The following LARP1 variants were observed in gnomAD, a reference collection of about 807,000 sequenced individuals.
LARP1 encodes the protein la-related protein 1.
Under a neutral mutation model 122.7 loss-of-function variants are expected in LARP1, and 36 were observed. The ratio of observed to expected loss-of-function variants is 0.29; its 90% CI spans 0.22 to 0.39. The LOEUF is 0.39. Among genes scored for constraint, LARP1 ranks in the 10% least tolerant of loss-of-function variants. The probability of loss-of-function intolerance (pLI) is 1.00; values close to 1 mark genes in which losing one functional copy is unlikely to be tolerated. For synonymous variants in LARP1, 539 were observed against 528.7 expected, an observed-to-expected ratio of 1.02 and a Z score of -0.27; for missense variants, 1,040 against 1,403.6, an observed-to-expected ratio of 0.74 and a Z score of 4.14.
chr5:154,692,335 C>T (rs976721017), intron 1 of LARP1, among the ~76,000 whole-genome samples: 4 of 152,200 alleles, frequency 2.6e-5, no homozygotes, highest in Non-Finnish European at 4.4e-5. Flanking sequence ...TTGATTTCCA[C>T]ATCCTTAAAA....
intron 1 of LARP1, among the ~76,000 whole-genome samples, chr5:154,772,652 T>C (rs1755534162): frequency 1.3e-5 from 2 of 152,120 alleles, no homozygotes; most frequent in Admixed American, 6.5e-5. Context: ...GTAATAAAAG[T>C]TATGTGAATG....
At chr5:154,796,084 A>ATATATATATTTTATATATTTAT (rs1757796915) in intron 8 of LARP1, among the ~76,000 whole-genome samples, 2 of 100,536 alleles carry the variant, frequency 2.0e-5, no homozygotes, top group Admixed American at 2.6e-4. Flanking sequence ...TATATATATT[A>ATATATATATTTTATATATTTAT]TATATATATT....
intron 1 of LARP1, among the ~76,000 whole-genome samples, chr5:154,789,288 C>A (rs1298522636): frequency 7.1e-6 from 1 of 140,510 alleles, no homozygotes; most frequent in Non-Finnish European, 1.5e-5. Flanking sequence ...GACGTTATCT[C>A]GGCTCACTGC....
chr5:154,755,926 CGGCCGCCCTGCGCCA>C lies in LARP1; in HGVS notation c.170_184del (p.Arg57_Lys62delinsGln). The C allele has an allele frequency of 7.0e-6, 7 of 1,002,298 alleles. No homozygotes were observed. Among genetic ancestry groups the C allele is most frequent in the Non-Finnish European group, 7.1e-6 (6 of 840,786 alleles). The allele number at this position is 1,002,298 out of a possible 1,614,324, so 62.1% of individuals were successfully genotyped here. Reference sequence around the variant, plus strand: ...GCCGGACGGCAGCGCTCGGAGACCCCGGCCGCCCTGCGCCAAGCCGCACAAGGAGGGCACCGGGCA... The same window carrying C: ...GCCGGACGGCAGCGCTCGGAGACCCCAGCCGCACAAGGAGGGCACCGGGCA... On this transcript the variant is annotated inframe_deletion, in exon 1 of 19. Transcript: ENST00000518297.
At chr5:154,682,991 A>C (rs991940437) in exon 1 of LARP1, among the ~76,000 whole-genome samples, 1 of 152,018 alleles carries the variant, frequency 6.6e-6, no homozygotes, top group Non-Finnish European at 1.5e-5. Context: ...AGGCTGAGTC[A>C]TCGCTGCTGC....
rs892198995 is a variant in LARP1 at position 154,755,745 on chromosome 5, G to A, written c.-13G>A. On this transcript the variant is annotated 5_prime_UTR_variant, in exon 1 of 19. Coordinates refer to ENST00000518297, the MANE Select transcript of LARP1 (RefSeq NM_033551.3). The stretch of plus-strand genomic sequence containing the variant: ...CGGGCGCGCCCGGCTTCTCCGGGGG[G>A]GCGGGCGCGCAGATGGCCACTCAGG... The A allele has an allele frequency of 1.5e-5, 15 of 987,398 alleles. No homozygotes were observed. Among genetic ancestry groups the A allele is most frequent in the African/African-American group, 3.5e-5 (2 of 57,188 alleles). The allele number at this position is 987,398 out of a possible 1,614,324, so 61.2% of individuals were successfully genotyped here.
At chr5:154,785,105 A>G (rs1306493306) in intron 1 of LARP1, among the ~76,000 whole-genome samples, 1 of 152,208 alleles carries the variant, frequency 6.6e-6, no homozygotes, top group Non-Finnish European at 1.5e-5. Context: ...AAATTCCCCC[A>G]TCTGTCTTTC....
intron 1 of LARP1, among the ~76,000 whole-genome samples, chr5:154,769,972 G>A (rs772974031): frequency 1.4e-4 from 22 of 152,218 alleles, no homozygotes; most frequent in Admixed American, 6.5e-4. Flanking sequence ...GTATGAATGA[G>A]GGGAGAGAGA....
chr5:154,789,360 C>T (rs1001490992), intron 1 of LARP1, among the ~76,000 whole-genome samples: 3 of 150,772 alleles, frequency 2.0e-5, no homozygotes, highest in South Asian at 2.1e-4. Flanking sequence ...GCTGGGATTA[C>T]GGGCGCCCAC....
rs1759595873 is a variant in LARP1, at chr5:154,815,313, C to G, written c.*1217C>G. On this transcript the variant is annotated 3_prime_UTR_variant, in exon 19 of 19. Transcript: ENST00000518297. ...CTGTTGCCTCACGCCAGGCCCCGTC[C>G]TGCCGTGACACCCTTCATCCTACCC... 1 of 152,512 alleles carries G rather than the reference C, an allele frequency of 6.6e-6. No individual in the cohort carries two copies. Among genetic ancestry groups the G allele is most frequent in the Non-Finnish European group, 1.5e-5 (1 of 68,078 alleles). The allele number at this position is 152,512 out of a possible 1,614,324, so 9.4% of individuals were successfully genotyped here.
chr5:154,708,339 T>C (rs1324679245), upstream of LARP1, among the ~76,000 whole-genome samples: 1 of 152,210 alleles, frequency 6.6e-6, no homozygotes, highest in Non-Finnish European at 1.5e-5. Flanking sequence ...ATTGAGTTCA[T>C]TGAGCAGGTT....
At chr5:154,772,132 T>C (rs1012507347) in intron 1 of LARP1, among the ~76,000 whole-genome samples, 6 of 152,236 alleles carry the variant, frequency 3.9e-5, no homozygotes, top group Non-Finnish European at 8.8e-5. Context: ...GATGAGATTG[T>C]GTATCTTTCT....
Position 154,692,591 on chromosome 5 carries a change from C to A in LARP1, c.-180+9554C>A, listed in dbSNP as rs560168933. Among the ~76,000 whole-genome samples, 5 of 152,238 alleles carry A rather than the reference C, an allele frequency of 3.3e-5. No individual in the cohort carries two copies. The South Asian group carries it at 1.0e-3, about 32-fold the overall frequency. On this transcript the variant is annotated intron_variant, in intron 1 of 18. Transcript: ENST00000687700. ...TAGGTTCTTACACACCCTTTAAAGC[C>A]CAAATCAAAGGCCATTGCCTGTGAA...
At chr5:154,779,474 G>A (rs937465576) in intron 1 of LARP1, among the ~76,000 whole-genome samples, 4 of 151,728 alleles carry the variant, frequency 2.6e-5, no homozygotes, top group African/African-American at 9.7e-5. Flanking sequence ...GGTGGCTTTG[G>A]GGTAGGGGTC....
intron 8 of LARP1, among the ~76,000 whole-genome samples, 185 bp downstream of exon 8, chr5:154,795,504 G>A (rs1757677173): frequency 6.6e-6 from 1 of 151,892 alleles, no homozygotes; most frequent in South Asian, 2.1e-4. Flanking sequence ...GCTCATTATG[G>A]AAAATGTCAG....
intron 1 of LARP1, among the ~76,000 whole-genome samples, chr5:154,721,486 T>C (rs1233488937): frequency 1.3e-5 from 2 of 152,180 alleles, no homozygotes; most frequent in Admixed American, 1.3e-4. Context: ...GGTCCTACGT[T>C]ACCGTTACCA....
At chr5:154,754,270 A>C (rs551311243), upstream of LARP1, among the ~76,000 whole-genome samples, 1 of 152,338 alleles carries the variant, frequency 6.6e-6, no homozygotes, top group Admixed American at 6.5e-5. Context: ...AGCCTAGTTT[A>C]TACCAAACCC....
At chr5:154,727,453 C>T (rs952277625) in intron 1 of LARP1, among the ~76,000 whole-genome samples, 10 of 152,060 alleles carry the variant, frequency 6.6e-5, no homozygotes, top group African/African-American at 2.4e-4. Context: ...CCCATTAGAA[C>T]TAGAGAGTAG....
At chr5:154,754,436 G>A (rs1168086495), upstream of LARP1, among the ~76,000 whole-genome samples, 1 of 152,228 alleles carries the variant, frequency 6.6e-6, no homozygotes, top group African/African-American at 2.4e-5. Flanking sequence ...TGCAGAGATG[G>A]TAAGGGGGCA....
Sources: allele counts gnomAD v4.1 joint callset (sites outside exome capture counted in the v4.1 genomes callset), GRCh38; gene constraint gnomAD v4.1.1; transcripts MANE v1.5; gene names NCBI Gene and HGNC (gene_info 2026-07-23, HGNC 2026-07-21).